Variants in GUCY1A2 observed in about 807,000 individuals in gnomAD.
GUCY1A2 encodes guanylate cyclase 1 soluble subunit alpha 2.
A neutral mutation model predicts 63.5 loss-of-function variants in GUCY1A2; 27 were observed. The observed-to-expected ratio is 0.43, with a 90% CI of 0.31 to 0.59. The LOEUF (loss-of-function observed/expected upper bound fraction) is 0.59, where lower values mean the gene tolerates loss of function less well. Ranked by LOEUF, GUCY1A2 falls within the 20% of genes least tolerant of loss-of-function variation. GUCY1A2 has a pLI of 0.11. For synonymous variants in GUCY1A2, 364 were observed against 343.5 expected (o/e 1.06, Z -0.66); for missense variants, 768 against 913.3 (o/e 0.84, Z 2.05).
intron 4 of GUCY1A2, among the ~76,000 whole-genome samples, chr11:106,890,445 C>T (rs1260319882): frequency 6.6e-6 from 1 of 152,162 alleles, no homozygotes; most frequent in African/African-American, 2.4e-5. Flanking sequence ...ACTGACTTTA[C>T]TTCTTCCACC....
intron 5 of GUCY1A2, among the ~76,000 whole-genome samples, chr11:106,787,609 AAGAG>A (rs1465001700): frequency 4.1e-5 from 1 of 24,588 alleles, no homozygotes; most frequent in African/African-American, 1.5e-4. Flanking sequence ...GAAAAAGAGA[AAGAG>A]AGAACAAGAG....
intron 5 of GUCY1A2, among the ~76,000 whole-genome samples, chr11:106,780,014 T>C (rs1350942701): frequency 5.3e-5 from 8 of 152,018 alleles, no homozygotes; most frequent in Non-Finnish European, 1.2e-4. Context: ...CCTCAATCTT[T>C]ACAAAAATAA....
intron 1 of GUCY1A2, among the ~76,000 whole-genome samples, chr11:106,999,643 A>G (rs890090232): frequency 1.3e-5 from 2 of 152,164 alleles, no homozygotes; most frequent in African/African-American, 4.8e-5. Flanking sequence ...TATTTCGTTG[A>G]CTCATACTTG....
At chr11:106,722,784 C>CTGTGTGTGTGTG (rs5794487) in intron 6 of GUCY1A2, among the ~76,000 whole-genome samples, 2 of 148,862 alleles carry the variant, frequency 1.3e-5, no homozygotes, top group African/African-American at 4.9e-5. Flanking sequence ...AAGACCAGTT[C>CTGTGTGTGTGTG]TGTGTGTGTG....
chr11:106,898,939 C>A (rs527298548), intron 4 of GUCY1A2, among the ~76,000 whole-genome samples: 1 of 152,194 alleles, frequency 6.6e-6, no homozygotes, highest in South Asian at 2.1e-4. Flanking sequence ...GAAGGCTATG[C>A]CTGTTGAAGA....
At chr11:106,999,391 T>C (rs1450512185) in intron 1 of GUCY1A2, among the ~76,000 whole-genome samples, 1 of 152,232 alleles carries the variant, frequency 6.6e-6, no homozygotes, top group Non-Finnish European at 1.5e-5. Flanking sequence ...GACTTTAATA[T>C]GCCCATGATT....
chr11:106,993,780 G>A (rs1398283337), intron 1 of GUCY1A2, among the ~76,000 whole-genome samples: 1 of 152,166 alleles, frequency 6.6e-6, no homozygotes, highest in East Asian at 1.9e-4. Flanking sequence ...TAAATACAGA[G>A]TTGGAACATA....
chr11:106,825,947 T>C (rs1483005174), intron 4 of GUCY1A2, among the ~76,000 whole-genome samples: 1 of 152,148 alleles, frequency 6.6e-6, no homozygotes, highest in Non-Finnish European at 1.5e-5. Context: ...TCAATATAAA[T>C]ATTAGCAAAC....
chr11:106,972,019 C>A (rs1351154084), intron 3 of GUCY1A2, among the ~76,000 whole-genome samples: 1 of 152,058 alleles, frequency 6.6e-6, no homozygotes, highest in African/African-American at 2.4e-5. Flanking sequence ...CCAAAGCAAA[C>A]AGGAAACAAA....
chr11:106,975,200 C>G (rs1238700743), intron 3 of GUCY1A2, among the ~76,000 whole-genome samples: 1 of 152,128 alleles, frequency 6.6e-6, no homozygotes, highest in African/African-American at 2.4e-5. Flanking sequence ...CACTTTGTCT[C>G]CCTGCCTACA....
At position 106,960,232 on chromosome 11, in the gene GUCY1A2, T is replaced by TTA. The variant is rs200247413; in HGVS notation, c.487+18386_487+18387insTA. Reference sequence around the variant, plus strand: ...ATTTCATGTTTTTTCTTGTTTTGAATTTTTTTTTTAAATCTCAGGTATGGG... The same window carrying TTA: ...ATTTCATGTTTTTTCTTGTTTTGAATTATTTTTTTTTAAATCTCAGGTATGGG... On this transcript the variant is annotated intron_variant, in intron 3 of 7. Transcript: ENST00000526355. Among the ~76,000 whole-genome samples the TTA allele has an allele frequency of 1.8e-3, 48 of 26,586 alleles. No individual in the cohort carries two copies. The East Asian group carries it at 0.25, about 136-fold the overall frequency. The allele number at this position is 26,586 out of a possible 152,430, so 17.4% of individuals were successfully genotyped here. A position where few individuals can be genotyped will look rare whatever the true frequency, so the allele number is the denominator to read the frequency against.
At chr11:106,878,688 T>C (rs948415262) in intron 4 of GUCY1A2, among the ~76,000 whole-genome samples, 2 of 149,964 alleles carry the variant, frequency 1.3e-5, no homozygotes, top group Non-Finnish European at 3.0e-5. Context: ...CTAGGCCTAA[T>C]ACATGGTCAA....
intron 3 of GUCY1A2, among the ~76,000 whole-genome samples, chr11:106,955,580 G>A (rs767907907): frequency 1.3e-5 from 2 of 152,130 alleles, no homozygotes; most frequent in Admixed American, 1.3e-4. Flanking sequence ...TTGGCTAGAT[G>A]TGAAATTCTG....
chr11:106,938,146 G>A (rs1168461982), intron 4 of GUCY1A2, among the ~76,000 whole-genome samples: 1 of 151,940 alleles, frequency 6.6e-6, no homozygotes, highest in Non-Finnish European at 1.5e-5. Flanking sequence ...CATCATGTTG[G>A]CCAGGCTGGT....
intron 4 of GUCY1A2, among the ~76,000 whole-genome samples, chr11:106,857,280 T>G (rs920361485): frequency 2.6e-5 from 4 of 152,158 alleles, no homozygotes; most frequent in African/African-American, 9.6e-5. Context: ...TTTCACTGTA[T>G]CCTCGCATGA....
chr11:106,727,865 G>A (rs1308463228), intron 6 of GUCY1A2, among the ~76,000 whole-genome samples: 1 of 152,024 alleles, frequency 6.6e-6, no homozygotes, highest in African/African-American at 2.4e-5. Flanking sequence ...CCTGACTCCA[G>A]CCAATTTCCC....
At chr11:106,824,794 T>A in intron 4 of GUCY1A2, 1 of 1,562,858 alleles carries the variant, frequency 6.4e-7, no homozygotes, top group East Asian at 2.3e-5. Flanking sequence ...TGTTATTTTT[T>A]TTTTTTGTAG....
intron 5 of GUCY1A2, among the ~76,000 whole-genome samples, chr11:106,779,254 G>A (rs1167593425): frequency 1.3e-5 from 2 of 152,102 alleles, no homozygotes; most frequent in Admixed American, 1.3e-4. Context: ...TATAAGAATA[G>A]AAAGACAATG....
chr11:106,883,803 G>T (rs562518708), intron 4 of GUCY1A2, among the ~76,000 whole-genome samples: 1 of 152,108 alleles, frequency 6.6e-6, no homozygotes, highest in Non-Finnish European at 1.5e-5. Flanking sequence ...AAAACATCAT[G>T]ATTTGAGTCA....
Sources: allele counts gnomAD v4.1 joint callset (sites outside exome capture counted in the v4.1 genomes callset), GRCh38; gene constraint gnomAD v4.1.1; transcripts MANE v1.5; gene names NCBI Gene and HGNC (gene_info 2026-07-23, HGNC 2026-07-21).